Variants in SHISAL1 observed in about 807,000 individuals in gnomAD.
SHISAL1 encodes the protein shisa like 1, also known as protein shisa-like-1.
In SHISAL1, 9 loss-of-function variants were observed where a neutral mutation model predicts 22.6. The ratio of observed to expected loss-of-function variants is 0.40; its 90% CI spans 0.24 to 0.70. The LOEUF is 0.70. Among genes scored for constraint, SHISAL1 ranks in the 30% least tolerant of loss-of-function variants. The probability of loss-of-function intolerance (pLI) is 0.39; values close to 1 mark genes in which losing one functional copy is unlikely to be tolerated. For synonymous variants in SHISAL1, 119 were observed against 115.4 expected, an observed-to-expected ratio of 1.03 and a Z score of -0.20; for missense variants, 246 against 270.6, an observed-to-expected ratio of 0.91 and a Z score of 0.64.
chr22:44,313,308 GGCACCACTGCACAA>G (rs1354437714), upstream of SHISAL1, among the ~76,000 whole-genome samples: 1 of 152,244 alleles, frequency 6.6e-6, no homozygotes, highest in East Asian at 1.9e-4. Flanking sequence ...GGAGGTCAGT[GGCACCACTGCACAA>G]GCCCCTCTGG....
chr22:44,259,096 G>T (rs377755086), intron 4 of SHISAL1, among the ~76,000 whole-genome samples: 1 of 152,148 alleles, frequency 6.6e-6, no homozygotes, highest in African/African-American at 2.4e-5. Context: ...ATCCTCACCC[G>T]CCCTGCTATG....
the SHISAL1 span, among the ~76,000 whole-genome samples, chr22:44,321,641 C>G: frequency 6.6e-6 from 1 of 152,158 alleles, no homozygotes; most frequent in Non-Finnish European, 1.5e-5. Context: ...GTGAATAAAC[C>G]CATGACATGC....
intron 4 of SHISAL1, among the ~76,000 whole-genome samples, chr22:44,263,930 C>T (rs1476993320): frequency 6.6e-6 from 1 of 152,206 alleles, no homozygotes; most frequent in Non-Finnish European, 1.5e-5. Flanking sequence ...AGCTACGGGA[C>T]ACTCACACAA....
chr22:44,263,125 C>T (rs1327487913), intron 4 of SHISAL1, among the ~76,000 whole-genome samples: 2 of 139,068 alleles, frequency 1.4e-5, no homozygotes, highest in Non-Finnish European at 3.0e-5. Context: ...GTCGCCCAGG[C>T]AATAGCGCAA....
intron 2 of SHISAL1, among the ~76,000 whole-genome samples, chr22:44,297,763 C>G (rs1464233750): frequency 6.6e-6 from 1 of 152,284 alleles, no homozygotes; most frequent in African/African-American, 2.4e-5. Context: ...CTCTCTCAGG[C>G]TTAATTAGTA....
At chr22:44,305,946 C>T (rs2055468316) in intron 1 of SHISAL1, among the ~76,000 whole-genome samples, 1 of 152,234 alleles carries the variant, frequency 6.6e-6, no homozygotes, top group African/African-American at 2.4e-5. Context: ...AGGGCCAGAG[C>T]TGAAAGCTGA....
At chr22:44,255,644 C>A (rs534983972) in intron 4 of SHISAL1, among the ~76,000 whole-genome samples, 1 of 152,346 alleles carries the variant, frequency 6.6e-6, no homozygotes, top group Non-Finnish European at 1.5e-5. Flanking sequence ...TGGTCAGCCC[C>A]TTCCATCTGC....
rs762694555 is a variant in SHISAL1, at chr22:44,285,541, G to A, written c.486C>T (p.Ala162=). 6.5e-7 allele frequency: 1 copy of A among 1,538,490 alleles called. No individual in the cohort carries two copies. The highest frequency in any genetic ancestry group is 1.7e-5 in the Admixed American group (1 of 58,782). ...PARAPRPGQR[A]PQPQPPPGPL... ...GGCCTGGGGGAGGCTGCGGCTGTGG[G>A]GCCCGCTGACCCGGCCGAGGGGCCC... The change falls in exon 4 of 5, where the codon GCC becomes GCT. Residue 162 remains alanine, a synonymous_variant. Transcript: ENST00000381176.
chr22:44,283,770 G>T (rs888158379), intron 4 of SHISAL1, among the ~76,000 whole-genome samples: 13 of 152,202 alleles, frequency 8.5e-5, no homozygotes, highest in Admixed American at 8.5e-4. Flanking sequence ...TCTTATAGAC[G>T]TTTTCCAGTG....
At chr22:44,331,533 G>A in the SHISAL1 span, among the ~76,000 whole-genome samples, 1 of 149,840 alleles carries the variant, frequency 6.7e-6, no homozygotes, top group African/African-American at 2.4e-5. This position sits in a 1 kb window ranked among gnomAD's most constrained non-coding sequence, Gnocchi z 5.2. Context: ...CTTCGTAGCC[G>A]GGAGCCGGCG....
At chr22:44,306,328 G>GCA (rs2055472086) in intron 1 of SHISAL1, among the ~76,000 whole-genome samples, 1 of 106,574 alleles carries the variant, frequency 9.4e-6, no homozygotes, top group African/African-American at 3.1e-5. Context: ...TGGCATGTGT[G>GCA]GAGGGTACCT....
At chr22:44,324,016 G>A in the SHISAL1 span, among the ~76,000 whole-genome samples, 1 of 152,160 alleles carries the variant, frequency 6.6e-6, no homozygotes, top group Non-Finnish European at 1.5e-5. Flanking sequence ...GCTGTAATTT[G>A]TCCAAGGCCA....
At chr22:44,300,852 C>G (rs201682110) in intron 2 of SHISAL1, 27 bp downstream of exon 2, 1 of 1,608,830 alleles carries the variant, frequency 6.2e-7, no homozygotes, top group Admixed American at 1.7e-5. Flanking sequence ...GTGCCGCCCC[C>G]GCCCCCAGCA....
intron 1 of SHISAL1, among the ~76,000 whole-genome samples, chr22:44,306,334 T>G (rs12162866): frequency 0.29 from 18,449 of 63,926 alleles, 1,298 homozygotes; most frequent in East Asian, 0.44. Flanking sequence ...GTGTGGAGGG[T>G]ACCTGGGCTC....
chr22:44,246,342 C>G lies in SHISAL1; in HGVS notation c.*3343G>C, dbSNP rs931835366. On this transcript the variant is annotated 3_prime_UTR_variant, in exon 5 of 5. Coordinates refer to ENST00000381176, the MANE Select transcript of SHISAL1 (RefSeq NM_001099294.2). ...CCTCGAATGCAGATTCCTCTGTGGA[C>G]ATCTTGTCCTCTTCTCTCTCTCGTT... 2 of 152,140 alleles carry G rather than the reference C, an allele frequency of 1.3e-5. No individual in the cohort carries two copies. Among genetic ancestry groups the G allele is most frequent in the African/African-American group, 4.8e-5 (2 of 41,396 alleles). The allele number at this position is 152,140 out of a possible 1,614,324, so 9.4% of individuals were successfully genotyped here.
the SHISAL1 span, among the ~76,000 whole-genome samples, chr22:44,319,571 C>T: frequency 0.21 from 32,243 of 152,166 alleles, 3,787 homozygotes; most frequent in South Asian, 0.32. Flanking sequence ...GCCAGATGTC[C>T]CCACACTCAC....
chr22:44,298,577 G>A (rs753140203), intron 2 of SHISAL1, among the ~76,000 whole-genome samples: 5 of 152,358 alleles, frequency 3.3e-5, no homozygotes, highest in African/African-American at 4.8e-5. Flanking sequence ...CGCTCAGTGC[G>A]TGGGCAGCTG....
chr22:44,277,416 G>A (rs1349404941), intron 4 of SHISAL1, among the ~76,000 whole-genome samples: 1 of 151,636 alleles, frequency 6.6e-6, no homozygotes, highest in Non-Finnish European at 1.5e-5. Flanking sequence ...TTGCCTCCAA[G>A]AGCCTTTGCT....
intron 3 of SHISAL1, among the ~76,000 whole-genome samples, chr22:44,290,934 G>C (rs563563684): frequency 1.3e-5 from 2 of 152,316 alleles, no homozygotes; most frequent in East Asian, 3.9e-4. Flanking sequence ...CGGTGTGTGG[G>C]CTTTGGGCCT....
Sources: allele counts gnomAD v4.1 joint callset (sites outside exome capture counted in the v4.1 genomes callset), GRCh38; gene constraint gnomAD v4.1.1; non-coding constraint Gnocchi (gnomAD v3.1); transcripts MANE v1.5; gene names NCBI Gene and HGNC (gene_info 2026-07-23, HGNC 2026-07-21).